Variants in DYM observed in about 807,000 individuals in gnomAD.
DYM encodes dyggve-Melchior-Clausen syndrome protein.
A neutral mutation model predicts 93.1 loss-of-function variants in DYM; 78 were observed. That is an observed-to-expected ratio of 0.84 (90% confidence interval 0.70 to 1.01). DYM has a LOEUF of 1.01. DYM is among the 50% of genes least tolerant of loss of function. The probability of loss-of-function intolerance (pLI) is 0.00; values close to 1 mark genes in which losing one functional copy is unlikely to be tolerated. For synonymous variants in DYM, 321 were observed against 319.7 expected, an observed-to-expected ratio of 1.00 and a Z score of -0.04; for missense variants, 789 against 845.0, an observed-to-expected ratio of 0.93 and a Z score of 0.82.
At chr18:49,268,195 A>G (rs2094604377) in intron 11 of DYM, among the ~76,000 whole-genome samples, 1 of 152,226 alleles carries the variant, frequency 6.6e-6, no homozygotes, top group Non-Finnish European at 1.5e-5. Flanking sequence ...TATATATCAT[A>G]GGCAATTAGG....
chr18:49,350,935 A>T (rs2065065766), intron 6 of DYM, among the ~76,000 whole-genome samples: 1 of 152,150 alleles, frequency 6.6e-6, no homozygotes, highest in Non-Finnish European at 1.5e-5. Context: ...AAAAACTAAA[A>T]ATCAAACAAA....
intron 17 of DYM, among the ~76,000 whole-genome samples, chr18:49,074,981 CAG>C (rs1280429597): frequency 6.6e-6 from 1 of 152,154 alleles, no homozygotes; most frequent in South Asian, 2.1e-4. Context: ...AATGGACTCA[CAG>C]AGTCCTGAGG....
At chr18:49,169,125 A>C (rs2088310698) in intron 14 of DYM, among the ~76,000 whole-genome samples, 1 of 152,192 alleles carries the variant, frequency 6.6e-6, no homozygotes, top group Non-Finnish European at 1.5e-5. Flanking sequence ...GGCAATGTGA[A>C]AGCAAAAGCA....
intron 13 of DYM, among the ~76,000 whole-genome samples, chr18:49,223,653 T>C (rs1408094172): frequency 6.6e-6 from 1 of 152,080 alleles, no homozygotes. Context: ...AACAAAGTAC[T>C]ACAGATGAAA....
intron 16 of DYM, among the ~76,000 whole-genome samples, chr18:49,104,033 C>T (rs1165050125): frequency 6.6e-6 from 1 of 152,110 alleles, no homozygotes; most frequent in Non-Finnish European, 1.5e-5. Flanking sequence ...ATTGATTCTT[C>T]CTACCCATGA....
At chr18:49,263,862 C>T (rs1384692430) in intron 11 of DYM, among the ~76,000 whole-genome samples, 2 of 152,108 alleles carry the variant, frequency 1.3e-5, no homozygotes, top group African/African-American at 4.8e-5. Flanking sequence ...AAATAGATTC[C>T]TCAGCCATAC....
chr18:49,253,918 C>T (rs1177741810), intron 13 of DYM, among the ~76,000 whole-genome samples: 2 of 152,138 alleles, frequency 1.3e-5, no homozygotes, highest in Non-Finnish European at 2.9e-5. Flanking sequence ...TTAAGCCCCT[C>T]CACAGTAATA....
At chr18:49,075,771 A>C (rs1427676099) in intron 17 of DYM, among the ~76,000 whole-genome samples, 1 of 152,218 alleles carries the variant, frequency 6.6e-6, no homozygotes, top group East Asian at 1.9e-4. Context: ...GGGGAAAAAG[A>C]AGGGATCAAA....
At chr18:49,432,161 C>T (rs1026055006) in intron 1 of DYM, among the ~76,000 whole-genome samples, 5 of 151,742 alleles carry the variant, frequency 3.3e-5, no homozygotes, top group Non-Finnish European at 7.4e-5. Flanking sequence ...TCACCTGAGG[C>T]GATCTACTCA....
chr18:49,064,738 C>T (rs1396349700), intron 17 of DYM, among the ~76,000 whole-genome samples: 2 of 152,082 alleles, frequency 1.3e-5, no homozygotes, highest in East Asian at 3.9e-4. Flanking sequence ...GTTCAAAATA[C>T]GTATATATTT....
intron 1 of DYM, among the ~76,000 whole-genome samples, chr18:49,446,131 A>T (rs1031018332): frequency 1.3e-5 from 2 of 152,152 alleles, no homozygotes; most frequent in African/African-American, 4.8e-5. Flanking sequence ...AGCTTAAAAG[A>T]ATTTTTAGGG....
rs143557551 is a variant in DYM at position 49,432,389 on chromosome 18, A to T, written c.-53-1942T>A. Among the ~76,000 whole-genome samples, 465 of 151,488 alleles carry T rather than the reference A, an allele frequency of 3.1e-3. 1 individual carries two copies. The highest frequency in any genetic ancestry group is 9.5e-3 in the African/African-American group (391 of 41,350). On this transcript the variant is annotated intron_variant, in intron 1 of 17. Transcript: ENST00000675505. ...TCTGAAATATATAAATTCCTAACTT[A>T]CAATAGTATTTTAAGCTATCAAAAT... is the stretch of plus-strand genomic sequence containing the variant.
chr18:49,047,200 T>C (rs2071706470), intron 17 of DYM, among the ~76,000 whole-genome samples: 1 of 152,206 alleles, frequency 6.6e-6, no homozygotes, highest in Non-Finnish European at 1.5e-5. Context: ...TAGCACTACC[T>C]AGGCCTAGAT....
chr18:49,355,310 CATAG>C (rs747733020), intron 6 of DYM, among the ~76,000 whole-genome samples: 30 of 151,740 alleles, frequency 2.0e-4, no homozygotes, highest in Admixed American at 1.3e-3. Flanking sequence ...TCATAGATAT[CATAG>C]ATAGACATCA....
In DYM at chr18:49,430,353, A is replaced by C. The variant is rs768630165; in HGVS notation, c.42T>G (p.Asn14Lys). 4 of 1,614,032 alleles carry C rather than the reference A, an allele frequency of 2.5e-6. No homozygotes were observed. In the East Asian group the frequency reaches 8.9e-5, roughly 36 times the overall value. ...NSSRIGDLPK[N>K]EYLKKLSGTE... ...TGCCTGATAACTTTTTCAAGTACTC[A>C]TTTTTAGGAAGATCGCCGATTCTGC... is the stretch of plus-strand genomic sequence containing the variant. Residue 14 changes from asparagine to lysine, a missense_variant, in exon 2 of 18, where the codon AAT (asparagine) becomes AAG (lysine). By Grantham distance (94) the Asn-to-Lys change is moderately conservative. Transcript: ENST00000675505.
intron 14 of DYM, among the ~76,000 whole-genome samples, chr18:49,195,747 T>G (rs1225231309): frequency 6.6e-6 from 1 of 152,124 alleles, no homozygotes; most frequent in South Asian, 2.1e-4. Flanking sequence ...AGTGGAAAAT[T>G]TGTAAATTCT....
chr18:49,170,623 T>C (rs1299569887), intron 14 of DYM, among the ~76,000 whole-genome samples: 2 of 150,820 alleles, frequency 1.3e-5, no homozygotes, highest in African/African-American at 2.4e-5. Context: ...CTAATAAAAA[T>C]ACAAAAACTA....
At chr18:49,271,510 TCA>T (rs2094698259) in intron 11 of DYM, among the ~76,000 whole-genome samples, 1 of 151,906 alleles carries the variant, frequency 6.6e-6, no homozygotes, top group South Asian at 2.1e-4. Flanking sequence ...AATCAAGAAA[TCA>T]CAATATAAGT....
intron 17 of DYM, 45 bp downstream of exon 17, chr18:49,097,357 A>T (rs774241781): frequency 7.7e-6 from 12 of 1,563,992 alleles, no homozygotes; most frequent in Non-Finnish European, 1.1e-5. Flanking sequence ...CATTTACATC[A>T]AGGGACACGG....
Sources: gnomAD v4.1 joint callset for allele counts (sites outside exome capture counted in the v4.1 genomes callset) on GRCh38, gnomAD v4.1.1 for gene constraint, MANE v1.5 for transcripts, NCBI Gene and HGNC (gene_info 2026-07-23, HGNC 2026-07-21) for gene names.